NR2F1-AS1: variants seen among roughly 807,000 people sequenced by gnomAD.
NR2F1-AS1 encodes the protein NR2F1 regulatory antisense RNA 1, also known as NR2F1 antisense RNA 1.
chr5:93,507,024 C>T (rs1022773134), intron 4 of NR2F1-AS1, among the ~76,000 whole-genome samples: 15 of 151,930 alleles, frequency 9.9e-5, no homozygotes, highest in African/African-American at 3.6e-4. Flanking sequence ...AAGATTTATC[C>T]CAGGAATTCA....
At chr5:93,494,434 C>A (rs757567821) in intron 4 of NR2F1-AS1, among the ~76,000 whole-genome samples, 1 of 152,260 alleles carries the variant, frequency 6.6e-6, no homozygotes, top group Middle Eastern at 3.4e-3. Context: ...CAGTTCAAGA[C>A]CACCAGCCTG....
intron 4 of NR2F1-AS1, among the ~76,000 whole-genome samples, chr5:93,474,568 C>A (rs906089939): frequency 2.0e-5 from 3 of 152,116 alleles, no homozygotes; most frequent in Non-Finnish European, 2.9e-5. Flanking sequence ...AGATCCAGTG[C>A]CTGGTGAGGG....
chr5:93,461,770 T>C (rs1392545596), intron 4 of NR2F1-AS1, among the ~76,000 whole-genome samples: 1 of 152,182 alleles, frequency 6.6e-6, no homozygotes, highest in Non-Finnish European at 1.5e-5. Flanking sequence ...AGCACAACAC[T>C]TTGAATAACT....
intron 4 of NR2F1-AS1, among the ~76,000 whole-genome samples, chr5:93,465,386 A>T (rs1750205478): frequency 6.6e-6 from 1 of 152,268 alleles, no homozygotes; most frequent in African/African-American, 2.4e-5. Flanking sequence ...ATACCATCTC[A>T]TGCCAGTTAG....
chr5:93,500,743 T>C (rs867348025), intron 4 of NR2F1-AS1, among the ~76,000 whole-genome samples: 58 of 152,222 alleles, frequency 3.8e-4, no homozygotes, highest in African/African-American at 1.3e-3. Flanking sequence ...GTTCAAGAGA[T>C]TCTAGTGCCT....
In NR2F1-AS1 at chr5:93,530,839, G is replaced by T. The variant is rs117422281; in HGVS notation, n.638+22922C>A. On this transcript the variant is annotated intron_variant and non_coding_transcript_variant, in intron 4 of 5. Transcript: ENST00000660523. ...GTTATATCCTTCATTTACTATATAA[G>T]AAAACAGCTTAGAAAGACTCAGTGA... Among the ~76,000 whole-genome samples the T allele has an allele frequency of 2.3e-3, 352 of 152,046 alleles. 9 individuals carry two copies. In the East Asian group the frequency reaches 0.047, roughly 20 times the overall value.
intron 4 of NR2F1-AS1, among the ~76,000 whole-genome samples, chr5:93,492,846 T>TAAA (rs568884397): frequency 7.2e-6 from 1 of 139,540 alleles, no homozygotes; most frequent in South Asian, 2.2e-4. Flanking sequence ...CATTTCATGA[T>TAAA]AAAAAAAAAA....
rs1435097992 is a variant in NR2F1-AS1, at chr5:93,556,290, C to T, written n.414-1295G>A. On this transcript the variant is annotated intron_variant and non_coding_transcript_variant, in intron 2 of 5. Transcript: ENST00000660523. ...GGAGTTCTCCTGTTTGTTCTTCCTA[C>T]AGTTTTTATATAAGAACAGACTAGT... Among the ~76,000 whole-genome samples, 6 of 152,172 alleles carry T rather than the reference C, an allele frequency of 3.9e-5. No homozygotes were observed. The East Asian group carries it at 5.8e-4, about 15-fold the overall frequency.
chr5:93,468,611 A>G (rs1473886566), intron 4 of NR2F1-AS1, among the ~76,000 whole-genome samples: 1 of 152,102 alleles, frequency 6.6e-6, no homozygotes, highest in East Asian at 1.9e-4. Context: ...GTTCACTCTG[A>G]TGATAGTTTA....
chr5:93,499,982 G>C (rs1369688474), intron 4 of NR2F1-AS1, among the ~76,000 whole-genome samples: 3 of 152,150 alleles, frequency 2.0e-5, no homozygotes, highest in Non-Finnish European at 4.4e-5. Context: ...AGCTGCGAAA[G>C]AAAGATTGGG....
intron 4 of NR2F1-AS1, among the ~76,000 whole-genome samples, chr5:93,464,176 C>T (rs1750167031): frequency 6.6e-6 from 1 of 152,146 alleles, no homozygotes; most frequent in South Asian, 2.1e-4. Flanking sequence ...CAGGTCTTTC[C>T]ATGCTGTTCT....
intron 4 of NR2F1-AS1, among the ~76,000 whole-genome samples, chr5:93,522,950 GT>G (rs113929098): frequency 0.1 from 15,231 of 147,050 alleles, 833 homozygotes; most frequent in Middle Eastern, 0.17. Context: ...GCTGCAGGAG[GT>G]TTTTTTTTTT....
chr5:93,428,597 A>G (rs1270384770), intron 4 of NR2F1-AS1, among the ~76,000 whole-genome samples: 1 of 152,138 alleles, frequency 6.6e-6, no homozygotes, highest in African/African-American at 2.4e-5. Flanking sequence ...TTAAAATCCA[A>G]GTGTATTCCA....
chr5:93,413,228 G>GTA (rs769121658), intron 4 of NR2F1-AS1, among the ~76,000 whole-genome samples: 4,512 of 144,310 alleles, frequency 0.031, 151 homozygotes, highest in African/African-American at 0.082. Context: ...ATATGTGTGT[G>GTA]TATATATATA....
At chr5:93,480,100 T>C (rs1221692329) in intron 4 of NR2F1-AS1, among the ~76,000 whole-genome samples, 1 of 151,334 alleles carries the variant, frequency 6.6e-6, no homozygotes, top group Non-Finnish European at 1.5e-5. Flanking sequence ...AAGAGAGAAA[T>C]GAAGAAACAT....
intron 2 of NR2F1-AS1, among the ~76,000 whole-genome samples, chr5:93,559,514 T>C (rs1320002335): frequency 6.6e-6 from 1 of 152,208 alleles, no homozygotes; most frequent in Non-Finnish European, 1.5e-5. Context: ...AACTTGGATG[T>C]TTGACAAGAG....
At chr5:93,439,297 GC>G (rs1749506753) in intron 4 of NR2F1-AS1, among the ~76,000 whole-genome samples, 1 of 152,118 alleles carries the variant, frequency 6.6e-6, no homozygotes, top group African/African-American at 2.4e-5. Flanking sequence ...CAATAAAAAG[GC>G]TTTTTTCTTT....
At chr5:93,496,746 G>A (rs1303952611) in intron 4 of NR2F1-AS1, among the ~76,000 whole-genome samples, 1 of 152,010 alleles carries the variant, frequency 6.6e-6, no homozygotes, top group Non-Finnish European at 1.5e-5. Context: ...CTTGTTAATT[G>A]ATATTCATAT....
chr5:93,564,026 C>T (rs1246149128), intron 1 of NR2F1-AS1, among the ~76,000 whole-genome samples: 3 of 140,842 alleles, frequency 2.1e-5, no homozygotes, highest in Non-Finnish European at 4.5e-5. Context: ...GGCGTGAACC[C>T]AGGAGGTGGA....
Sources: gnomAD v4.1 joint callset for allele counts (sites outside exome capture counted in the v4.1 genomes callset) on GRCh38, gnomAD v4.1.1 for gene constraint, MANE v1.5 for transcripts, NCBI Gene and HGNC (gene_info 2026-07-23, HGNC 2026-07-21) for gene names.